The following NCK2 variants were observed in gnomAD, a reference collection of about 807,000 sequenced individuals.
NCK2 encodes NCK adaptor protein 2.
Under a neutral mutation model 33.9 loss-of-function variants are expected in NCK2, and 16 were observed. That is an observed-to-expected ratio of 0.47 (90% CI 0.32 to 0.72). The LOEUF (loss-of-function observed/expected upper bound fraction) is 0.72, where lower values mean the gene tolerates loss of function less well. Among genes scored for constraint, NCK2 ranks in the 30% least tolerant of loss-of-function variants. The probability of loss-of-function intolerance (pLI) is 0.03; values close to 1 mark genes in which losing one functional copy is unlikely to be tolerated. For missense variants in NCK2, 418 were observed against 537.3 expected, an observed-to-expected ratio of 0.78 and a Z score of 2.19; for synonymous variants, 273 against 239.9, an observed-to-expected ratio of 1.14 and a Z score of -1.27.
chr2:105,786,834 C>A (rs988723990), intron 1 of NCK2, among the ~76,000 whole-genome samples: 3 of 138,644 alleles, frequency 2.2e-5, no homozygotes, highest in African/African-American at 7.8e-5. Context: ...CCAGTGCCTT[C>A]TACCAGCCCT....
At chr2:105,783,324 A>G (rs1363743885) in intron 1 of NCK2, among the ~76,000 whole-genome samples, 1 of 152,178 alleles carries the variant, frequency 6.6e-6, no homozygotes, top group Non-Finnish European at 1.5e-5. Flanking sequence ...GGGAGCCTCT[A>G]AGAGTCACTA....
intron 1 of NCK2, among the ~76,000 whole-genome samples, chr2:105,765,694 T>G (rs1232879732): frequency 1.3e-5 from 2 of 151,800 alleles, no homozygotes; most frequent in Non-Finnish European, 2.9e-5. Context: ...AATATGTTCC[T>G]TAAAGACATT....
intron 1 of NCK2, among the ~76,000 whole-genome samples, chr2:105,782,493 A>G (rs1221176913): frequency 6.6e-6 from 1 of 152,254 alleles, no homozygotes; most frequent in Admixed American, 6.5e-5. Context: ...TTTAAATTCT[A>G]CACAAAATCT....
intron 1 of NCK2, among the ~76,000 whole-genome samples, chr2:105,761,710 T>C (rs1450719998): frequency 6.6e-6 from 1 of 152,084 alleles, no homozygotes; most frequent in East Asian, 1.9e-4. Context: ...AAACCCTGTC[T>C]CTACAAGAAA....
chr2:105,787,857 G>A (rs571503996), intron 1 of NCK2, among the ~76,000 whole-genome samples: 102 of 152,348 alleles, frequency 6.7e-4, no homozygotes, highest in African/African-American at 2.4e-3. Flanking sequence ...CTACATCCAT[G>A]TTATAAGATG....
At chr2:105,880,001 G>C (rs1177949961) in intron 3 of NCK2, among the ~76,000 whole-genome samples, 10 of 152,204 alleles carry the variant, frequency 6.6e-5, no homozygotes, top group Non-Finnish European at 1.3e-4. Flanking sequence ...GGGCCAGTCT[G>C]CTTGTGTGGG....
intron 3 of NCK2, among the ~76,000 whole-genome samples, chr2:105,856,468 G>A (rs1433127128): frequency 1.3e-5 from 2 of 152,158 alleles, no homozygotes. Flanking sequence ...TTTCTAACAA[G>A]AGGATTTGTT....
intron 1 of NCK2, among the ~76,000 whole-genome samples, chr2:105,784,637 G>A (rs1690609686): frequency 6.6e-6 from 1 of 152,198 alleles, no homozygotes; most frequent in Non-Finnish European, 1.5e-5. Flanking sequence ...GCATGTCTGT[G>A]GTTAGGCAGG....
chr2:105,844,680 A>G (rs1004772757), intron 2 of NCK2, among the ~76,000 whole-genome samples: 8 of 149,636 alleles, frequency 5.3e-5, no homozygotes, highest in African/African-American at 2.0e-4. Context: ...GGTTGCAGTG[A>G]GCTGAGATCG....
At chr2:105,759,422 T>G (rs1389182763) in intron 1 of NCK2, among the ~76,000 whole-genome samples, 3 of 152,118 alleles carry the variant, frequency 2.0e-5, no homozygotes, top group African/African-American at 7.2e-5. Context: ...TGTAATTTGT[T>G]ATTGTTGAAA....
chr2:105,853,047 T>C (rs184598961), intron 2 of NCK2, among the ~76,000 whole-genome samples: 8 of 152,342 alleles, frequency 5.3e-5, no homozygotes, highest in African/African-American at 1.7e-4. Context: ...AAATGGTATT[T>C]ATGCTTCCAT....
chr2:105,810,422 C>T (rs1035152485), intron 1 of NCK2, among the ~76,000 whole-genome samples: 2 of 152,178 alleles, frequency 1.3e-5, no homozygotes, highest in African/African-American at 4.8e-5. Flanking sequence ...ACTCTTCCCT[C>T]CCTCTTTCCT....
At chr2:105,785,959 T>TA (rs1472686751) in intron 1 of NCK2, among the ~76,000 whole-genome samples, 3 of 152,204 alleles carry the variant, frequency 2.0e-5, no homozygotes, top group Admixed American at 1.3e-4. Flanking sequence ...TCCCTGGACT[T>TA]AATACCTTTT....
chr2:105,771,419 T>C (rs148195028), intron 1 of NCK2, among the ~76,000 whole-genome samples: 2,852 of 151,658 alleles, frequency 0.019, 49 homozygotes, highest in Non-Finnish European at 0.022. Flanking sequence ...ATATAAAAAT[T>C]AGCTGGGTGT....
At chr2:105,785,751 C>T (rs1018628849) in intron 1 of NCK2, among the ~76,000 whole-genome samples, 6 of 152,328 alleles carry the variant, frequency 3.9e-5, no homozygotes, top group Non-Finnish European at 2.9e-5. Flanking sequence ...TTGGGAGAAC[C>T]TGATCACACC....
intron 4 of NCK2, among the ~76,000 whole-genome samples, chr2:105,891,630 C>T (rs186618821): frequency 7.3e-6 from 1 of 137,638 alleles, no homozygotes; most frequent in South Asian, 2.3e-4. Flanking sequence ...CTTACAACTT[C>T]CACCTCCCAG....
intron 1 of NCK2, among the ~76,000 whole-genome samples, chr2:105,783,775 T>C (rs1454894392): frequency 2.6e-5 from 4 of 152,194 alleles, no homozygotes; most frequent in African/African-American, 9.7e-5. Context: ...GGCCTGTTCC[T>C]GAGCGACTTC....
chr2:105,813,302 C>T (rs1387103102), intron 1 of NCK2, among the ~76,000 whole-genome samples: 1 of 152,192 alleles, frequency 6.6e-6, no homozygotes, highest in Admixed American at 6.5e-5. Context: ...TTCCCTGAGC[C>T]TCCTGAAGGC....
chr2:105,777,294 C>T (rs1449969873), intron 1 of NCK2, among the ~76,000 whole-genome samples: 1 of 152,108 alleles, frequency 6.6e-6, no homozygotes, highest in Non-Finnish European at 1.5e-5. Flanking sequence ...TTTAATGTTG[C>T]ACCTGGTTGT....
Sources: allele counts gnomAD v4.1 joint callset (sites outside exome capture counted in the v4.1 genomes callset), GRCh38; gene constraint gnomAD v4.1.1; transcripts MANE v1.5; gene names NCBI Gene and HGNC (gene_info 2026-07-23, HGNC 2026-07-21).